Variants in SLCO1A2 observed in about 807,000 individuals in gnomAD.
SLCO1A2 encodes solute carrier organic anion transporter family member 1A2.
A neutral mutation model predicts 69.0 loss-of-function variants in SLCO1A2; 67 were observed. The ratio of observed to expected loss-of-function variants is 0.97; its 90% CI spans 0.80 to 1.19. The LOEUF (loss-of-function observed/expected upper bound fraction) is 1.19, where lower values mean the gene tolerates loss of function less well. SLCO1A2 is among the 50% of genes most tolerant of loss of function. The pLI, the probability that SLCO1A2 is intolerant of heterozygous loss-of-function variation, is 0.00. For synonymous variants in SLCO1A2, 260 were observed against 265.9 expected (o/e 0.98, Z 0.22); for missense variants, 787 against 793.7 (o/e 0.99, Z 0.10).
At chr12:21,312,344 G>C (rs1950333091) in intron 4 of SLCO1A2, among the ~76,000 whole-genome samples, 1 of 152,200 alleles carries the variant, frequency 6.6e-6, no homozygotes, top group Non-Finnish European at 1.5e-5. Flanking sequence ...GAATAGAAGA[G>C]AGAGTCTTGC....
chr12:21,349,784 C>T (rs1937781516), intron 2 of SLCO1A2, among the ~76,000 whole-genome samples: 1 of 152,178 alleles, frequency 6.6e-6, no homozygotes, highest in African/African-American at 2.4e-5. Context: ...CCTTTCCCAC[C>T]TTGGCTAACT....
At chr12:21,340,019 C>T (rs1953015116) in intron 2 of SLCO1A2, among the ~76,000 whole-genome samples, 3 of 151,962 alleles carry the variant, frequency 2.0e-5, no homozygotes, top group African/African-American at 2.4e-5. Flanking sequence ...AATGAAGGGT[C>T]GCTATTCATA....
intron 8 of SLCO1A2, among the ~76,000 whole-genome samples, chr12:21,300,126 T>G (rs1446064474): frequency 6.6e-6 from 1 of 151,662 alleles, no homozygotes; most frequent in Non-Finnish European, 1.5e-5. Flanking sequence ...CATAAAAGTT[T>G]ACACAAATGC....
At chr12:21,311,762 C>A (rs1248817450) in intron 4 of SLCO1A2, 1 of 105,972 alleles carries the variant, frequency 9.4e-6, no homozygotes, top group African/African-American at 4.4e-5. Context: ...TCCGTCACTA[C>A]AAAAAATACA....
chr12:21,324,265 G>C (rs2136886912), intron 2 of SLCO1A2, among the ~76,000 whole-genome samples: 1 of 152,284 alleles, frequency 6.6e-6, no homozygotes, highest in African/African-American at 2.4e-5. Flanking sequence ...CCAGTAACAA[G>C]TGTTAAATTT....
intron 1 of SLCO1A2, among the ~76,000 whole-genome samples, chr12:21,388,982 A>G (rs1372386686): frequency 6.6e-6 from 1 of 152,192 alleles, no homozygotes; most frequent in African/African-American, 2.4e-5. Context: ...GGATGCTTAA[A>G]TGTGACTATT....
At chr12:21,276,950 T>A (rs1452540357) in intron 12 of SLCO1A2, among the ~76,000 whole-genome samples, 1 of 152,168 alleles carries the variant, frequency 6.6e-6, no homozygotes, top group Non-Finnish European at 1.5e-5. Context: ...TAAATAAACT[T>A]GAAAGGCAGT....
chr12:21,351,836 G>A (rs1396941538), intron 2 of SLCO1A2, among the ~76,000 whole-genome samples: 2 of 151,762 alleles, frequency 1.3e-5, no homozygotes, highest in African/African-American at 4.8e-5. Context: ...CATTATTGAA[G>A]GGAATATACA....
chr12:21,407,655 G>C (rs750284546), intron 1 of SLCO1A2, among the ~76,000 whole-genome samples: 8 of 152,044 alleles, frequency 5.3e-5, no homozygotes, highest in Non-Finnish European at 1.0e-4. Flanking sequence ...ACAAAAATTA[G>C]CCAGGCATGG....
At chr12:21,274,645 G>A (rs1301357822) in intron 13 of SLCO1A2, 59 bp from the exon 14 acceptor site, 11 of 1,113,368 alleles carry the variant, frequency 9.9e-6, no homozygotes, top group South Asian at 1.4e-5. Context: ...TGATTTATTT[G>A]GAAATATTTC....
At chr12:21,392,793 G>T (rs1481062620) in intron 1 of SLCO1A2, among the ~76,000 whole-genome samples, 1 of 152,066 alleles carries the variant, frequency 6.6e-6, no homozygotes, top group Non-Finnish European at 1.5e-5. Flanking sequence ...TTTTCCAATG[G>T]GTACATGAAC....
chr12:21,272,217 T>C (rs1943000285), intron 14 of SLCO1A2, among the ~76,000 whole-genome samples: 1 of 151,814 alleles, frequency 6.6e-6, no homozygotes. Flanking sequence ...TGTATTCATG[T>C]AGAAATAGAT....
chr12:21,288,988 T>C (rs1013520860), intron 12 of SLCO1A2, among the ~76,000 whole-genome samples: 3 of 151,778 alleles, frequency 2.0e-5, no homozygotes, highest in Admixed American at 1.3e-4. Context: ...CAAAATACCA[T>C]GTACAATCAC....
chr12:21,281,561 G>C lies in SLCO1A2; in HGVS notation c.1611-6137C>G, dbSNP rs1944806553. ...AAAAGAAATAATAAAGATCGGAGTA[G>C]AAATAAATGAAATTGAAATGAAGAA... On this transcript the variant is annotated intron_variant, in intron 12 of 14. Coordinates refer to ENST00000683939, the MANE Select transcript of SLCO1A2 (RefSeq NM_001386879.1). Among the ~76,000 whole-genome samples the C allele has an allele frequency of 5.3e-5, 8 of 151,716 alleles. No homozygotes were observed. The South Asian group carries it at 1.7e-3, about 31-fold the overall frequency.
At chr12:21,409,035 C>A (rs1941867397) in intron 1 of SLCO1A2, among the ~76,000 whole-genome samples, 1 of 152,122 alleles carries the variant, frequency 6.6e-6, no homozygotes, top group Non-Finnish European at 1.5e-5. Flanking sequence ...TAAAAGCAAC[C>A]AAGTTTTAGT....
At chr12:21,312,007 G>A (rs1158736279) in intron 4 of SLCO1A2, among the ~76,000 whole-genome samples, 1 of 150,406 alleles carries the variant, frequency 6.6e-6, no homozygotes, top group Non-Finnish European at 1.5e-5. Context: ...AGGAGGAGAA[G>A]AAGAGGAGGA....
chr12:21,361,909 C>T (rs1375019201), intron 2 of SLCO1A2, among the ~76,000 whole-genome samples: 2 of 152,128 alleles, frequency 1.3e-5, no homozygotes, highest in African/African-American at 2.4e-5. Flanking sequence ...AAGACCAAAT[C>T]TACGTCTGAT....
At chr12:21,342,737 T>A (rs1565508685) in intron 2 of SLCO1A2, among the ~76,000 whole-genome samples, 1 of 152,092 alleles carries the variant, frequency 6.6e-6, no homozygotes, top group East Asian at 1.9e-4. Flanking sequence ...ATTAAACATT[T>A]TAGATAGAAT....
chr12:21,393,724 A>G (rs1941277666), intron 1 of SLCO1A2, among the ~76,000 whole-genome samples: 1 of 152,236 alleles, frequency 6.6e-6, no homozygotes. Flanking sequence ...ATAAAATTGT[A>G]AGGTATATAT....
Sources: gnomAD v4.1 joint callset for allele counts (sites outside exome capture counted in the v4.1 genomes callset) on GRCh38, gnomAD v4.1.1 for gene constraint, MANE v1.5 for transcripts, NCBI Gene and HGNC (gene_info 2026-07-23, HGNC 2026-07-21) for gene names.